HNF4G: variants seen among roughly 807,000 people sequenced by gnomAD.
The protein encoded by HNF4G is hepatocyte nuclear factor 4 gamma, also known as hepatocyte nuclear factor 4-gamma.
Under a neutral mutation model 50.9 loss-of-function variants are expected in HNF4G, and 21 were observed. That is an observed-to-expected ratio of 0.41 (90% CI 0.29 to 0.59). HNF4G has a LOEUF of 0.59. Ranked by LOEUF, HNF4G falls within the 20% of genes least tolerant of loss-of-function variation. The pLI is 0.26. For missense variants in HNF4G, 527 were observed against 559.4 expected (o/e 0.94, Z 0.58); for synonymous variants, 198 against 185.6 (o/e 1.07, Z -0.54).
chr8:75,512,445 T>A (rs1384991970), intron 2 of HNF4G, among the ~76,000 whole-genome samples: 1 of 94,606 alleles, frequency 1.1e-5, no homozygotes, highest in Admixed American at 9.4e-5. Context: ...TTATTATTAC[T>A]ATTACTATTA....
chr8:75,515,847 C>G (rs1381012945), intron 2 of HNF4G, among the ~76,000 whole-genome samples: 1 of 150,944 alleles, frequency 6.6e-6, no homozygotes, highest in Non-Finnish European at 1.5e-5. Flanking sequence ...CTCACCACAA[C>G]CTCCCCCTCC....
At chr8:75,517,616 A>G (rs1407455274) in intron 2 of HNF4G, among the ~76,000 whole-genome samples, 1 of 152,192 alleles carries the variant, frequency 6.6e-6, no homozygotes, top group Non-Finnish European at 1.5e-5. Context: ...TCTCACATCC[A>G]GGTCACTCTT....
Position 75,565,053 on chromosome 8 carries a change from T to C in HNF4G, c.*957T>C, listed in dbSNP as rs948227230. 6.6e-6 allele frequency: 1 copy of C among 150,708 alleles called. No individual in the cohort carries two copies. Among genetic ancestry groups the C allele is most frequent in the Non-Finnish European group, 1.5e-5 (1 of 66,958 alleles). 9.3% of individuals were successfully genotyped at this position (150,708 alleles called of 1,614,324 possible). ...CCTCACAATAACACTTTAGGAGAGA[T>C]ATCATTATCGCTGTTTTATAAATAA... On this transcript the variant is annotated 3_prime_UTR_variant, in exon 10 of 10. Transcript: ENST00000396423.
At chr8:75,515,719 G>T (rs1805869288) in intron 2 of HNF4G, among the ~76,000 whole-genome samples, 1 of 151,688 alleles carries the variant, frequency 6.6e-6, no homozygotes, top group South Asian at 2.1e-4. Flanking sequence ...CTTCTATTTG[G>T]GGCCCTCAAA....
intron 2 of HNF4G, among the ~76,000 whole-genome samples, chr8:75,511,602 T>A (rs1805752410): frequency 6.6e-6 from 1 of 152,096 alleles, no homozygotes; most frequent in Non-Finnish European, 1.5e-5. Flanking sequence ...TATTTATTTA[T>A]TTTTTTTGAG....
At chr8:75,542,994 G>T (rs1319524592) in intron 1 of HNF4G, among the ~76,000 whole-genome samples, 1 of 152,166 alleles carries the variant, frequency 6.6e-6, no homozygotes, top group African/African-American at 2.4e-5. Flanking sequence ...ACCGCCTGAG[G>T]TCAGGGGTTC....
At chr8:75,416,473 A>G (rs1226208263) in intron 1 of HNF4G, among the ~76,000 whole-genome samples, 1 of 151,984 alleles carries the variant, frequency 6.6e-6, no homozygotes, top group Non-Finnish European at 1.5e-5. Flanking sequence ...GGTTCTTTTT[A>G]TGGTAAAGTA....
In HNF4G at chr8:75,531,707, A is replaced by G. The variant is rs144259064; in HGVS notation, c.-23-12104A>G. Among the ~76,000 whole-genome samples the G allele has an allele frequency of 1.7e-4, 26 of 152,262 alleles. 1 individual carries two copies. The East Asian group carries it at 4.8e-3, about 28-fold the overall frequency. ...AATAAAATAATACAAATAAATAATTATGATGACTATGTAGCATCTACATTG... is the reference window on the plus strand; with the variant it reads ...AATAAAATAATACAAATAAATAATTGTGATGACTATGTAGCATCTACATTG... On this transcript the variant is annotated intron_variant, in intron 2 of 10. Coordinates refer to the HNF4G transcript ENST00000354370.
intron 2 of HNF4G, among the ~76,000 whole-genome samples, chr8:75,544,951 A>G (rs1285747876): frequency 6.6e-6 from 1 of 152,050 alleles, no homozygotes; most frequent in Admixed American, 6.6e-5. Context: ...AACTCCCCAA[A>G]TATCTGTCTA....
chr8:75,518,363 A>C (rs1805948986), intron 2 of HNF4G, among the ~76,000 whole-genome samples: 1 of 151,946 alleles, frequency 6.6e-6, no homozygotes, highest in Admixed American at 6.6e-5. Flanking sequence ...AGAAATAGGA[A>C]CACTTTTACA....
upstream of HNF4G, among the ~76,000 whole-genome samples, chr8:75,539,187 G>A (rs1353260533): frequency 2.6e-5 from 4 of 152,202 alleles, no homozygotes; most frequent in East Asian, 5.8e-4. Context: ...AATGACATCA[G>A]AATTCAAAAG....
At chr8:75,517,790 T>A (rs1348406430) in intron 2 of HNF4G, among the ~76,000 whole-genome samples, 2 of 152,018 alleles carry the variant, frequency 1.3e-5, no homozygotes, top group Admixed American at 6.5e-5. Context: ...ACGGTGGCCC[T>A]CTTCTTACAG....
Position 75,558,624 on chromosome 8 carries a change from T to A in HNF4G, c.840T>A (p.Asp280Glu). The A allele has an allele frequency of 6.2e-7, 1 of 1,614,038 alleles. No homozygotes were observed. Among genetic ancestry groups the A allele is most frequent in the Non-Finnish European group, 8.5e-7 (1 of 1,179,946 alleles). ...GACCATTTCAAGAAATCCAGATTGA[T>A]GACAATGAGTATGCTTGTTTAAAGG... ...LVRPFQEIQI[D>E]DNEYACLKAI... Residue 280 changes from aspartate to glutamate, a missense_variant, in exon 7 of 10, where the codon GAT (aspartate) becomes GAA (glutamate). Physicochemically the swap from Asp to Glu is conservative, Grantham distance 45. Transcript: ENST00000396423.
At chr8:75,507,027 TGATA>T (rs1235087077) in intron 2 of HNF4G, among the ~76,000 whole-genome samples, 19 of 152,322 alleles carry the variant, frequency 1.2e-4, no homozygotes, top group East Asian at 9.6e-4. Flanking sequence ...ATATAATAGA[TGATA>T]GATAGATAGA....
chr8:75,553,936 A>G (rs1807042891), intron 5 of HNF4G, among the ~76,000 whole-genome samples: 1 of 152,130 alleles, frequency 6.6e-6, no homozygotes, highest in South Asian at 2.1e-4. Flanking sequence ...TTGGTTTCAG[A>G]TTCATTTTGA....
chr8:75,520,662 T>G (rs1006183436), intron 2 of HNF4G, among the ~76,000 whole-genome samples: 2 of 152,052 alleles, frequency 1.3e-5, no homozygotes, highest in Admixed American at 6.6e-5. Flanking sequence ...GGTCTCAAAC[T>G]CCCGAGCTCA....
intron 1 of HNF4G, among the ~76,000 whole-genome samples, chr8:75,488,813 T>C (rs1812553249): frequency 6.6e-6 from 1 of 152,184 alleles, no homozygotes; most frequent in East Asian, 1.9e-4. Flanking sequence ...GAGTGTGATG[T>C]TTTCTGTCTA....
intron 1 of HNF4G, among the ~76,000 whole-genome samples, chr8:75,459,297 TGAG>T (rs1183743057): frequency 6.6e-6 from 1 of 152,196 alleles, no homozygotes; most frequent in Non-Finnish European, 1.5e-5. Context: ...TAAAGTGTCA[TGAG>T]TTCTTAGGAA....
chr8:75,563,782 T>G (rs1173957124), intron 9 of HNF4G, among the ~76,000 whole-genome samples, 193 bp from the exon 10 acceptor site: 1 of 152,116 alleles, frequency 6.6e-6, no homozygotes, highest in African/African-American at 2.4e-5. Flanking sequence ...TAATGTTATT[T>G]GGAAAGTAAG....
Sources: gnomAD v4.1 joint callset for allele counts (sites outside exome capture counted in the v4.1 genomes callset) on GRCh38, gnomAD v4.1.1 for gene constraint, MANE v1.5 for transcripts, NCBI Gene and HGNC (gene_info 2026-07-23, HGNC 2026-07-21) for gene names.